The following LRBA variants were observed in gnomAD, a reference collection of about 807,000 sequenced individuals.
LRBA encodes lipopolysaccharide-responsive and beige-like anchor protein.
Under a neutral mutation model 330.0 loss-of-function variants are expected in LRBA, and 176 were observed. That is an observed-to-expected ratio of 0.53 (90% CI 0.47 to 0.60). The LOEUF (loss-of-function observed/expected upper bound fraction) is 0.60, where lower values mean the gene tolerates loss of function less well. Among genes scored for constraint, LRBA ranks in the 20% least tolerant of loss-of-function variants. LRBA has a pLI of 0.00. For missense variants in LRBA, 3,259 were observed against 3,444.8 expected, an observed-to-expected ratio of 0.95 and a Z score of 1.35; for synonymous variants, 1,230 against 1,193.0, an observed-to-expected ratio of 1.03 and a Z score of -0.64.
intron 53 of LRBA, among the ~76,000 whole-genome samples, chr4:150,300,170 A>G (rs1729486347): frequency 6.6e-6 from 1 of 152,066 alleles, no homozygotes; most frequent in African/African-American, 2.4e-5. Context: ...TATAAGAAAA[A>G]GTGCCTATTT....
chr4:150,574,253 A>C (rs1397955414), intron 40 of LRBA, among the ~76,000 whole-genome samples: 1 of 152,002 alleles, frequency 6.6e-6, no homozygotes, highest in Non-Finnish European at 1.5e-5. Flanking sequence ...ATATTTTGTA[A>C]ATTTTTTCCA....
rs576883206 is a variant in LRBA, at chr4:150,527,164, T to C, written c.6331-36129A>G. 2.8e-4 allele frequency among the ~76,000 whole-genome samples: 43 copies of C among 152,274 alleles called. No homozygotes were observed. In the South Asian group the frequency reaches 8.7e-3, roughly 31 times the overall value. Reference sequence around the variant, plus strand: ...ATTTCTCCAAAATGAGATGCAAGCGTCTCATGAAATCTGCTCAGTGATTTC... The same window carrying C: ...ATTTCTCCAAAATGAGATGCAAGCGCCTCATGAAATCTGCTCAGTGATTTC... On this transcript the variant is annotated intron_variant, in intron 40 of 56. Coordinates refer to ENST00000651943, the MANE Select transcript of LRBA (RefSeq NM_001364905.1).
chr4:150,982,986 T>G (rs1741024287), intron 2 of LRBA, among the ~76,000 whole-genome samples: 1 of 152,074 alleles, frequency 6.6e-6, no homozygotes, highest in Admixed American at 6.6e-5. Flanking sequence ...ACTTTAAAAC[T>G]TTCTGATCAC....
chr4:150,923,349 C>T lies in LRBA; in HGVS notation c.550-2056G>A, dbSNP rs79094750. 8.5e-5 allele frequency among the ~76,000 whole-genome samples: 13 copies of T among 152,196 alleles called. No individual in the cohort carries two copies. In the East Asian group the frequency reaches 2.3e-3, roughly 27 times the overall value. Reference sequence around the variant, plus strand: ...TTCAGTCTTCTTCCCACAACAGGGCCTCAGCAAAAGCTATTCCTTATGCTT... The same window carrying T: ...TTCAGTCTTCTTCCCACAACAGGGCTTCAGCAAAAGCTATTCCTTATGCTT... On this transcript the variant is annotated intron_variant, in intron 4 of 56. Coordinates refer to ENST00000651943, the MANE Select transcript of LRBA (RefSeq NM_001364905.1).
intron 47 of LRBA, among the ~76,000 whole-genome samples, chr4:150,390,121 T>C (rs1051956583): frequency 1.3e-5 from 2 of 152,132 alleles, no homozygotes; most frequent in Non-Finnish European, 2.9e-5. Flanking sequence ...ATTTATTTGG[T>C]TATCACACCG....
chr4:150,290,822 G>A (rs1186514422), intron 53 of LRBA, among the ~76,000 whole-genome samples: 1 of 151,998 alleles, frequency 6.6e-6, no homozygotes. Context: ...GTTTTACAGA[G>A]GCACTTCTCT....
chr4:150,501,032 T>C (rs1381299830), intron 40 of LRBA, among the ~76,000 whole-genome samples: 3 of 152,230 alleles, frequency 2.0e-5, no homozygotes, highest in South Asian at 2.1e-4. Context: ...CTAAATGCTA[T>C]GCTCACATTT....
At chr4:150,713,353 C>T (rs550660440) in intron 36 of LRBA, among the ~76,000 whole-genome samples, 315 of 152,270 alleles carry the variant, frequency 2.1e-3, no homozygotes, top group Non-Finnish European at 3.2e-3. Context: ...CTGTTTGCTA[C>T]ACATAGGTAG....
chr4:151,005,518 A>G (rs1433573378), intron 2 of LRBA, among the ~76,000 whole-genome samples: 1 of 148,344 alleles, frequency 6.7e-6, no homozygotes, highest in Non-Finnish European at 1.5e-5. Context: ...AGAAAACTAT[A>G]CAGAGTAGAT....
chr4:150,351,637 C>T (rs1217912732), intron 47 of LRBA, among the ~76,000 whole-genome samples: 6 of 151,972 alleles, frequency 3.9e-5, no homozygotes, highest in Non-Finnish European at 2.9e-5. Context: ...TGCAGTGAGC[C>T]GAGATCGCGC....
chr4:150,699,735 A>G (rs1582085607), intron 36 of LRBA, among the ~76,000 whole-genome samples: 1 of 152,204 alleles, frequency 6.6e-6, no homozygotes, highest in Non-Finnish European at 1.5e-5. Context: ...GTGGTGTCTT[A>G]CTTCACATGG....
At chr4:150,711,874 A>T (rs1786251525) in intron 36 of LRBA, among the ~76,000 whole-genome samples, 1 of 152,186 alleles carries the variant, frequency 6.6e-6, no homozygotes, top group Non-Finnish European at 1.5e-5. Flanking sequence ...TCAATAAAAG[A>T]CCTTTTAAAA....
chr4:150,481,681 C>T (rs147951711), intron 42 of LRBA, among the ~76,000 whole-genome samples: 1 of 151,954 alleles, frequency 6.6e-6, no homozygotes, highest in African/African-American at 2.4e-5. Flanking sequence ...ATGTATGGAG[C>T]CCGTAATGTT....
At chr4:150,924,686 A>G (rs1733698104) in intron 4 of LRBA, among the ~76,000 whole-genome samples, 2 of 152,208 alleles carry the variant, frequency 1.3e-5, no homozygotes, top group African/African-American at 4.8e-5. Flanking sequence ...CACTGCTATA[A>G]CAGCAAACGA....
At chr4:150,289,906 A>G (rs1748628755) in intron 53 of LRBA, among the ~76,000 whole-genome samples, 1 of 152,212 alleles carries the variant, frequency 6.6e-6, no homozygotes, top group Non-Finnish European at 1.5e-5. Flanking sequence ...AACCACTTGC[A>G]ATGAAATTAC....
At chr4:150,977,937 A>G (rs1740384755) in intron 2 of LRBA, among the ~76,000 whole-genome samples, 2 of 152,264 alleles carry the variant, frequency 1.3e-5, no homozygotes, top group African/African-American at 4.8e-5. Flanking sequence ...GCCTCTCTAG[A>G]CCTGCCAAGG....
intron 37 of LRBA, among the ~76,000 whole-genome samples, chr4:150,631,547 G>A (rs149554995): frequency 7.2e-5 from 11 of 152,186 alleles, no homozygotes; most frequent in Non-Finnish European, 1.3e-4. Flanking sequence ...CTTAAATTTC[G>A]ATATGTATTA....
chr4:150,645,334 TA>T (rs1242657130), intron 37 of LRBA, among the ~76,000 whole-genome samples: 1 of 151,808 alleles, frequency 6.6e-6, no homozygotes, highest in East Asian at 1.9e-4. Context: ...AAACAGCCCA[TA>T]TATGGGAAAT....
At position 150,277,846 on chromosome 4, in the gene LRBA, G is replaced by T; in HGVS notation, c.8468+7C>A. ...CCCCTATTTGTAGCCCATGATTCCAGTGTTACCTCTGGTCGTAAGACAGCG... is the reference window on the plus strand; with the variant it reads ...CCCCTATTTGTAGCCCATGATTCCATTGTTACCTCTGGTCGTAAGACAGCG... On this transcript the variant is annotated splice_region_variant and intron_variant, in intron 56 of 56. Coordinates refer to ENST00000651943, the MANE Select transcript of LRBA (RefSeq NM_001364905.1). 6.2e-7 allele frequency: 1 copy of T among 1,613,604 alleles called. No individual in the cohort carries two copies. The highest frequency in any genetic ancestry group is 8.5e-7 in the Non-Finnish European group (1 of 1,179,680).
Sources: gnomAD v4.1 joint callset for allele counts (sites outside exome capture counted in the v4.1 genomes callset) on GRCh38, gnomAD v4.1.1 for gene constraint, MANE v1.5 for transcripts, NCBI Gene and HGNC (gene_info 2026-07-23, HGNC 2026-07-21) for gene names.